The following ACAP3 variants were observed in gnomAD, a reference collection of about 807,000 sequenced individuals.
ACAP3 encodes ArfGAP with coiled-coil, ankyrin repeat and PH domains 3.
Under a neutral mutation model 104.1 loss-of-function variants are expected in ACAP3, and 56 were observed. That is an observed-to-expected ratio of 0.54 (90% confidence interval 0.43 to 0.67). The LOEUF is 0.67. ACAP3 is among the 30% of genes least tolerant of loss of function. The pLI is 0.00. For missense variants in ACAP3, 1,208 were observed against 1,174.9 expected (o/e 1.03, Z -0.41); for synonymous variants, 628 against 496.2 (o/e 1.27, Z -3.53).
At position 1,303,863 on chromosome 1, in the gene ACAP3, C is replaced by A; in HGVS notation, c.105+223G>T. The A allele has an allele frequency of 1.6e-6, 1 of 619,216 alleles. No individual in the cohort carries two copies. The highest frequency in any genetic ancestry group is 2.8e-6 in the Non-Finnish European group (1 of 354,660). The allele number at this position is 619,216 out of a possible 1,614,324, so 38.4% of individuals were successfully genotyped here. On this transcript the variant is annotated intron_variant, in intron 2 of 23. Coordinates refer to ENST00000354700, the MANE Select transcript of ACAP3 (RefSeq NM_030649.3). The surrounding 1 kb of genome is among the most constrained non-coding windows in gnomAD (Gnocchi z 4.0). The stretch of plus-strand genomic sequence containing the variant: ...GGGTCGGGGACTCACCACAGCCCAG[C>A]CCCTCCCAGATGGGACGAGACTCAG...
At position 1,293,642 on chromosome 1, in the gene ACAP3, G is replaced by T; in HGVS notation, c.2427C>A (p.Ala809=). The T allele has an allele frequency of 6.8e-7, 1 of 1,479,214 alleles. No homozygotes were observed. The highest frequency in any genetic ancestry group is 8.9e-7 in the Non-Finnish European group (1 of 1,123,152). The allele number at this position is 1,479,214 out of a possible 1,614,324, so 91.6% of individuals were successfully genotyped here. ...EAEAAPGPPG[A]LAGSPTELQF... ...GGAGCTCCGTGGGGCTGCCCGCCAGGGCGCCCGGGGGACCAGGGGCAGCCT... is the reference window on the plus strand; with the variant it reads ...GGAGCTCCGTGGGGCTGCCCGCCAGTGCGCCCGGGGGACCAGGGGCAGCCT... Residue 809 remains alanine (A), a synonymous_variant, in exon 24 of 24, where the codon GCC becomes GCA. Transcript: ENST00000354700.
intron 5 of ACAP3, among the ~76,000 whole-genome samples, chr1:1,300,912 C>T (rs1000236370): frequency 6.6e-6 from 1 of 152,208 alleles, no homozygotes; most frequent in Non-Finnish European, 1.5e-5. Flanking sequence ...GCTGGGATTA[C>T]AGGCATGCGC....
At chr1:1,306,183 A>G (rs74045418) in intron 1 of ACAP3, among the ~76,000 whole-genome samples, 12,780 of 152,174 alleles carry the variant, frequency 0.084, 1,796 homozygotes, top group African/African-American at 0.29. Flanking sequence ...CACAGCCCCC[A>G]TAACTGGCTC....
chr1:1,294,049 G>C lies in ACAP3; in HGVS notation c.2249+41C>G, dbSNP rs756186594. ...AGGGCGTAGCCGGGCCGGGGTAGGCGTGGTCGGGGCACAGGGCGGGGCGTG... is the reference window on the plus strand; with the variant it reads ...AGGGCGTAGCCGGGCCGGGGTAGGCCTGGTCGGGGCACAGGGCGGGGCGTG... On this transcript the variant is annotated intron_variant, in intron 22 of 23. Transcript: ENST00000354700. 23 of 1,517,190 alleles carry C rather than the reference G, an allele frequency of 1.5e-5. 1 individual carries two copies. The highest frequency in any genetic ancestry group is 2.2e-5 in the Admixed American group (1 of 46,316). The allele number at this position is 1,517,190 out of a possible 1,614,324, so 94.0% of individuals were successfully genotyped here.
rs1204123866 is a variant in ACAP3, at chr1:1,297,936, G to A, written c.1017-3C>T. 1.2e-6 allele frequency: 2 copies of A among 1,611,730 alleles called. No individual in the cohort carries two copies. The highest frequency in any genetic ancestry group is 1.7e-6 in the Non-Finnish European group (2 of 1,179,352). On this transcript the variant is annotated splice_region_variant and splice_polypyrimidine_tract_variant and intron_variant, in intron 13 of 23. Transcript: ENST00000354700. ...AGTCAGCCTGCAGCATGCAGCTCCT[G>A]CAGGCAGTGGAGGGGCGGGCGTCAG... is the stretch of plus-strand genomic sequence containing the variant.
intron 1 of ACAP3, 64 bp from the exon 2 acceptor site, chr1:1,304,207 C>G: frequency 4.5e-6 from 7 of 1,539,134 alleles, no homozygotes; most frequent in South Asian, 2.4e-5. Context: ...GCTTCACCTC[C>G]CCCCGCACCT....
At chr1:1,300,760 C>G in intron 5 of ACAP3, 68 bp from the exon 6 acceptor site, 1 of 1,517,368 alleles carries the variant, frequency 6.6e-7, no homozygotes, top group Non-Finnish European at 8.9e-7. Context: ...GAGTCTCCCA[C>G]ATCGTTGTTT....
intron 1 of ACAP3, among the ~76,000 whole-genome samples, chr1:1,306,744 CACAT>C (rs1641721936): frequency 1.3e-5 from 2 of 152,334 alleles, no homozygotes; most frequent in East Asian, 1.9e-4. Context: ...ACTGGTACCA[CACAT>C]ACATGTGTGT....
rs1641308256 is a variant in ACAP3, at chr1:1,298,662, C to T, written c.768G>A (p.Glu256=). ...CGTCCACGTCAAACTCCACTTTGGA[C>T]TCATCGTAGGAGAAGTCCTGGGGGG... The part of the protein sequence containing the change: ...RTLLQDFSYD[E]SKVEFDVDAP... The change falls in exon 11 of 24, where the codon GAG becomes GAA. Residue 256 remains glutamate (E), a synonymous_variant. Coordinates refer to ENST00000354700, the MANE Select transcript of ACAP3 (RefSeq NM_030649.3). The T allele has an allele frequency of 2.5e-6, 4 of 1,612,496 alleles. No homozygotes were observed. The highest frequency in any genetic ancestry group is 1.7e-5 in the Admixed American group (1 of 60,004).
intron 1 of ACAP3, chr1:1,307,343 C>T (rs1330072914): frequency 3.1e-6 from 4 of 1,289,792 alleles, no homozygotes; most frequent in Non-Finnish European, 4.0e-6. Flanking sequence ...CTACCCCAGG[C>T]CTTAAACGCG....
Position 1,303,614 on chromosome 1 carries a change from T to C in ACAP3, c.106-333A>G. ...CCCAGCTCCACGGCCTGTTGCCCCCTCCTCTTTCTCAGCCCATGTGGGGCT... is the reference window on the plus strand; with the variant it reads ...CCCAGCTCCACGGCCTGTTGCCCCCCCCTCTTTCTCAGCCCATGTGGGGCT... On this transcript the variant is annotated intron_variant, in intron 2 of 23. Transcript: ENST00000354700. This position sits in a 1 kb window ranked among gnomAD's most constrained non-coding sequence, Gnocchi z 4.0. 2 of 450,280 alleles carry C rather than the reference T, an allele frequency of 4.4e-6. No homozygotes were observed. The highest frequency in any genetic ancestry group is 8.1e-6 in the Non-Finnish European group (2 of 248,368). The allele number at this position is 450,280 out of a possible 1,614,324, so 27.9% of individuals were successfully genotyped here. A position where few individuals can be genotyped will look rare whatever the true frequency, so the allele number is the denominator to read the frequency against.
In ACAP3 at chr1:1,299,890, T is replaced by C; in HGVS notation, c.679A>G (p.Ile227Val). The change falls in exon 9 of 24, where the codon ATC (isoleucine) becomes GTC (valine). Residue 227 changes from isoleucine (I) to valine (V), a missense_variant. Transcript: ENST00000354700. ...TCACGCTTTTCCACCGCAGAGTCGA[T>C]CACCAGCTGGTCCAGCTGTTGGGGG... ...KLAAELDQLVIDSAVEKREME... is the reference protein window; with the variant it reads ...KLAAELDQLVVDSAVEKREME... 6.3e-7 allele frequency: 1 copy of C among 1,582,558 alleles called. No individual in the cohort carries two copies. Among genetic ancestry groups the C allele is most frequent in the Non-Finnish European group, 8.6e-7 (1 of 1,160,370 alleles).
At chr1:1,299,165 C>G (rs568753041) in intron 10 of ACAP3, 180 bp downstream of exon 10, 1 of 807,254 alleles carries the variant, frequency 1.2e-6, no homozygotes, top group Non-Finnish European at 2.0e-6. Context: ...TGCCGCCAAC[C>G]CCACGGGGAA....
chr1:1,297,979 G>A (rs946081725), intron 13 of ACAP3, 34 bp downstream of exon 13: 10 of 1,610,064 alleles, frequency 6.2e-6, no homozygotes, highest in African/African-American at 2.7e-5. Context: ...GGGCAGGTAC[G>A]CCCCCCGCCC....
Position 1,299,997 on chromosome 1 carries a change from G to A in ACAP3, c.639C>T (p.Pro213=), listed in dbSNP as rs753985251. 1.2e-6 allele frequency: 2 copies of A among 1,611,408 alleles called. No homozygotes were observed. The highest frequency in any genetic ancestry group is 1.7e-6 in the Non-Finnish European group (2 of 1,179,082). Reference sequence around the variant, plus strand: ...CCTCGGCTGCCAGCTTCTTCATGTAGGGGTCCAGCTGGTGCAGGAGGCTGT... The same window carrying A: ...CCTCGGCTGCCAGCTTCTTCATGTAAGGGTCCAGCTGGTGCAGGAGGCTGT... ...QGYSLLHQLD[P]YMKKLAAELD... is the part of the protein sequence containing the mutation. The change falls in exon 8 of 24, where the codon CCC becomes CCT. Residue 213 remains proline, a synonymous_variant. Transcript: ENST00000354700.
At chr1:1,301,491 C>T (rs1377543749) in intron 5 of ACAP3, 2 of 141,458 alleles carry the variant, frequency 1.4e-5, no homozygotes, top group African/African-American at 2.7e-5. Context: ...TGGTCTCAAA[C>T]TCCTGGCATT....
Position 1,294,423 on chromosome 1 carries a change from C to T in ACAP3, c.2118G>A (p.Pro706=), listed in dbSNP as rs1255806393. ...WADAEDEGKT[P]LVQAVLGGSL... is the part of the protein sequence containing the mutation. ...TCACCCCTAGCACGGCCTGCACCAGCGGCGTCTTGCCCTCATCCTCCGCGT... is the reference window on the plus strand; with the variant it reads ...TCACCCCTAGCACGGCCTGCACCAGTGGCGTCTTGCCCTCATCCTCCGCGT... Residue 706 remains proline (P), a synonymous_variant, in exon 21 of 24, where the codon CCG becomes CCA. Coordinates refer to ENST00000354700, the MANE Select transcript of ACAP3 (RefSeq NM_030649.3). 11 of 1,575,122 alleles carry T rather than the reference C, an allele frequency of 7.0e-6. No homozygotes were observed. The highest frequency in any genetic ancestry group is 4.1e-5 in the African/African-American group (3 of 73,432).
intron 14 of ACAP3, among the ~76,000 whole-genome samples, chr1:1,297,000 T>A (rs1641201528): frequency 6.6e-6 from 1 of 152,190 alleles, no homozygotes; most frequent in Non-Finnish European, 1.5e-5. Flanking sequence ...ACATCCACAC[T>A]GCACAAGCCA....
chr1:1,307,051 G>C (rs1437456341), intron 1 of ACAP3: 4 of 662,844 alleles, frequency 6.0e-6, no homozygotes, highest in South Asian at 2.9e-5. Flanking sequence ...GCAGAGGAGG[G>C]GGCCTCACGC....
Sources: allele counts gnomAD v4.1 joint callset (sites outside exome capture counted in the v4.1 genomes callset), GRCh38; gene constraint gnomAD v4.1.1; non-coding constraint Gnocchi (gnomAD v3.1); transcripts MANE v1.5; gene names NCBI Gene and HGNC (gene_info 2026-07-23, HGNC 2026-07-21).